The following GET1 variants were observed in gnomAD, a reference collection of about 807,000 sequenced individuals.
GET1 encodes guided entry of tail-anchored proteins factor 1, also known as congenital heart disease 5 protein.
A neutral mutation model predicts 22.6 loss-of-function variants in GET1; 20 were observed. That is an observed-to-expected ratio of 0.89 (90% CI 0.62 to 1.29). The LOEUF (loss-of-function observed/expected upper bound fraction) is 1.29, where lower values mean the gene tolerates loss of function less well. Among genes scored for constraint, GET1 ranks in the 50% most tolerant of loss-of-function variants. The pLI is 0.00. For missense variants in GET1, 209 were observed against 219.9 expected, an observed-to-expected ratio of 0.95 and a Z score of 0.31; for synonymous variants, 92 against 83.8, an observed-to-expected ratio of 1.10 and a Z score of -0.53.
intron 4 of GET1, among the ~76,000 whole-genome samples, chr21:39,404,503 G>C (rs948091228): frequency 6.6e-6 from 1 of 152,136 alleles, no homozygotes; most frequent in African/African-American, 2.4e-5. Flanking sequence ...CCAGCACTTT[G>C]GGAGGCTGAG....
At chr21:39,383,324 C>T (rs2037684135) in intron 1 of GET1, among the ~76,000 whole-genome samples, 1 of 151,450 alleles carries the variant, frequency 6.6e-6, no homozygotes, top group African/African-American at 2.4e-5. Context: ...TCTTGTTGCC[C>T]AGGCTGGAGT....
chr21:39,399,911 ATT>A (rs36083258), downstream of GET1, among the ~76,000 whole-genome samples: 160 of 144,486 alleles, frequency 1.1e-3, no homozygotes, highest in Middle Eastern at 3.6e-3. Flanking sequence ...TCTTTTTTTA[ATT>A]TTTTTTTTTT....
intron 1 of GET1, chr21:39,428,146 CT>C: frequency 7.1e-7 from 1 of 1,405,608 alleles, no homozygotes; most frequent in African/African-American, 1.4e-5. Context: ...GAAATTTGGT[CT>C]TGCTTGGGAA....
In GET1 at chr21:39,393,171, C is replaced by G. The variant is rs1296004005; in HGVS notation, c.342C>G (p.Ala114=). ...ISVAFYVLQA[A]LMISLIWKYY... is the part of the protein sequence containing the mutation. Reference sequence around the variant, plus strand: ...CACCAGAGGTGTCTTTACAGGCTGCCCTGATGATCTCACTCATTTGGAAGT... The same window carrying G: ...CACCAGAGGTGTCTTTACAGGCTGCGCTGATGATCTCACTCATTTGGAAGT... Residue 114 remains alanine, a synonymous_variant, in exon 4 of 5, where the codon GCC becomes GCG. Coordinates refer to ENST00000649170, the MANE Select transcript of GET1 (RefSeq NM_004627.6). The G allele has an allele frequency of 6.2e-7, 1 of 1,613,962 alleles. No individual in the cohort carries two copies.
intron 1 of GET1, among the ~76,000 whole-genome samples, chr21:39,424,491 A>C (rs190422819): frequency 9.3e-4 from 141 of 152,326 alleles, no homozygotes; most frequent in Admixed American, 3.5e-3. Flanking sequence ...AAAAACAAAC[A>C]AACCAACCCC....
chr21:39,419,159 C>G (rs1039224588), intron 1 of GET1, among the ~76,000 whole-genome samples: 5 of 152,128 alleles, frequency 3.3e-5, no homozygotes, highest in Admixed American at 6.5e-5. Flanking sequence ...CCTCACCCCC[C>G]ACTATTCTTC....
intron 1 of GET1, among the ~76,000 whole-genome samples, chr21:39,418,240 A>T (rs2041645328): frequency 1.3e-5 from 2 of 152,166 alleles, no homozygotes; most frequent in Non-Finnish European, 1.5e-5. Context: ...GGACACAGCC[A>T]AACCATATCA....
rs1243624818 is a variant in GET1 at position 39,406,190 on chromosome 21, G to A, written c.*206G>A. 3 of 1,614,176 alleles carry A rather than the reference G, an allele frequency of 1.9e-6. No homozygotes were observed. In the Admixed American group the frequency reaches 5.0e-5, roughly 27 times the overall value. On this transcript the variant is annotated 3_prime_UTR_variant, in exon 5 of 5. Transcript: ENST00000415847. ...GAGGGCTCATACCCACTGTCAGAATGCTCTAGCTCCATTTCCTCTCTGTTA... is the reference window on the plus strand; with the variant it reads ...GAGGGCTCATACCCACTGTCAGAATACTCTAGCTCCATTTCCTCTCTGTTA...
rs1469775339 is a variant in GET1, at chr21:39,397,314, A to G, written c.*375A>G. 1 of 178,768 alleles carries G rather than the reference A, an allele frequency of 5.6e-6. No individual in the cohort carries two copies. Among genetic ancestry groups the G allele is most frequent in the Non-Finnish European group, 1.2e-5 (1 of 85,560 alleles). 11.1% of individuals were successfully genotyped at this position (178,768 alleles called of 1,614,324 possible). A position where few individuals can be genotyped will look rare whatever the true frequency, so the allele number is the denominator to read the frequency against. On this transcript the variant is annotated 3_prime_UTR_variant, in exon 5 of 5. Transcript: ENST00000649170. ...ACAACTTTAAGTAAGTTCTTTGAAG[A>G]CTTAGTGCTGTTTTTAATCCAGTTT...
chr21:39,389,292 T>G (rs866934702), intron 1 of GET1, among the ~76,000 whole-genome samples: 16 of 151,922 alleles, frequency 1.1e-4, no homozygotes, highest in Admixed American at 4.6e-4. Context: ...TGTCCCCCTT[T>G]TTTTTTTGAG....
At chr21:39,406,456 C>T in exon 5 of GET1, 1 of 1,614,076 alleles carries the variant, frequency 6.2e-7, no homozygotes, top group Non-Finnish European at 8.5e-7. Context: ...ATTGCTTTCT[C>T]TTTCAGGATG....
chr21:39,380,570 A>G lies in GET1; in HGVS notation c.102+84A>G, dbSNP rs924198673. 30 of 1,540,806 alleles carry G rather than the reference A, an allele frequency of 1.9e-5. No individual in the cohort carries two copies. In the Admixed American group the frequency reaches 2.6e-4, roughly 13 times the overall value. ...GGTCTGGCGTAGGTACAGGGGTCTC[A>G]ACTGGGCGACTGAAGGCCGTAGTAG... is the stretch of plus-strand genomic sequence containing the variant. On this transcript the variant is annotated intron_variant, in intron 1 of 4. Coordinates refer to ENST00000649170, the MANE Select transcript of GET1 (RefSeq NM_004627.6).
intron 1 of GET1, chr21:39,422,147 G>C (rs377195807): frequency 5.5e-4 from 83 of 152,278 alleles, no homozygotes; most frequent in African/African-American, 1.9e-3. Context: ...AGAAATAACT[G>C]AGATTAAAAC....
chr21:39,396,777 A>G, intron 4 of GET1, 89 bp from the exon 5 acceptor site: 2 of 1,187,394 alleles, frequency 1.7e-6, no homozygotes, highest in Middle Eastern at 4.0e-4. Context: ...GAATGGAAAT[A>G]CTCTCTTTGC....
chr21:39,386,523 G>T (rs1273026007), intron 1 of GET1: 1 of 152,366 alleles, frequency 6.6e-6, no homozygotes, highest in African/African-American at 2.4e-5. Flanking sequence ...TAGGGTTCCT[G>T]GCCGAGAGTG....
rs566398093 is a variant in GET1, at chr21:39,391,213, G to T, written c.268+350G>T. On this transcript the variant is annotated intron_variant, in intron 2 of 4. Transcript: ENST00000649170. ...TCACAGTGGATTCCCAGAGGCTTTT[G>T]TTCCACTCTCTAGAAAAATGCCCAG... The T allele has an allele frequency of 5.5e-5, 13 of 236,266 alleles. No homozygotes were observed. The South Asian group carries it at 7.3e-4, about 13-fold the overall frequency. The allele number at this position is 236,266 out of a possible 1,614,324, so 14.6% of individuals were successfully genotyped here. A position where few individuals can be genotyped will look rare whatever the true frequency, so the allele number is the denominator to read the frequency against.
chr21:39,380,988 G>C, intron 1 of GET1: 1 of 979,782 alleles, frequency 1.0e-6, no homozygotes, highest in Non-Finnish European at 1.2e-6. Context: ...GTATCCAAGG[G>C]AGCAACCAGG....
At position 39,417,839 on chromosome 21, in the gene GET1, C is replaced by A. The variant is rs59518111; in HGVS notation, c.*23+6902C>A. Reference sequence around the variant, plus strand: ...GGAGTGCGGTGGCGTGATCTCCGCTCACTGCAAGCTCCGCCTCCCGAGTTC... The same window carrying A: ...GGAGTGCGGTGGCGTGATCTCCGCTAACTGCAAGCTCCGCCTCCCGAGTTC... On this transcript the variant is annotated intron_variant, in intron 1 of 1. Coordinates refer to the GET1 transcript ENST00000478273. Among the ~76,000 whole-genome samples the A allele has an allele frequency of 2.0e-3, 307 of 152,250 alleles. 2 individuals carry two copies. The highest frequency in any genetic ancestry group is 7.2e-3 in the African/African-American group (299 of 41,548).
rs765594400 is a variant in GET1, at chr21:39,393,172, C to G, written c.343C>G (p.Leu115Val). 1 of 1,614,122 alleles carries G rather than the reference C, an allele frequency of 6.2e-7. No homozygotes were observed. Among genetic ancestry groups the G allele is most frequent in the Non-Finnish European group, 8.5e-7 (1 of 1,179,978 alleles). The part of the protein sequence containing the change: ...SVAFYVLQAA[L>V]MISLIWKYYS... ...ACCAGAGGTGTCTTTACAGGCTGCC[C>G]TGATGATCTCACTCATTTGGAAGTA... is the stretch of plus-strand genomic sequence containing the variant. The change falls in exon 4 of 5, where the codon CTG (leucine) becomes GTG (valine). Residue 115 changes from leucine (L) to valine (V), a missense_variant. Leu to Val is a conservative substitution (Grantham distance 32). Coordinates refer to ENST00000649170, the MANE Select transcript of GET1 (RefSeq NM_004627.6).
Sources: gnomAD v4.1 joint callset for allele counts (sites outside exome capture counted in the v4.1 genomes callset) on GRCh38, gnomAD v4.1.1 for gene constraint, MANE v1.5 for transcripts, NCBI Gene and HGNC (gene_info 2026-07-23, HGNC 2026-07-21) for gene names.